EXOC7: variants seen among roughly 807,000 people sequenced by gnomAD.
EXOC7 encodes the protein exocyst complex component 7.
A neutral mutation model predicts 87.6 loss-of-function variants in EXOC7; 51 were observed. That is an observed-to-expected ratio of 0.58 (90% CI 0.46 to 0.73). The LOEUF (loss-of-function observed/expected upper bound fraction) is 0.73. Ranked by LOEUF, EXOC7 falls within the 30% of genes least tolerant of loss-of-function variation. The pLI, the probability that EXOC7 is intolerant of heterozygous loss-of-function variation, is 0.00. For missense variants in EXOC7, 744 were observed against 888.4 expected, an observed-to-expected ratio of 0.84 and a Z score of 2.07; for synonymous variants, 327 against 357.1, an observed-to-expected ratio of 0.92 and a Z score of 0.95.
chr17:76,087,984 G>A (rs2067289790), intron 11 of EXOC7, 76 bp downstream of exon 11: 1 of 1,546,460 alleles, frequency 6.5e-7, no homozygotes, highest in Admixed American at 1.7e-5. Context: ...CCTTCCACCA[G>A]TACTCTGCCT....
chr17:76,081,165 C>T lies in EXOC7; in HGVS notation c.*2483G>A, dbSNP rs993665944. On this transcript the variant is annotated 3_prime_UTR_variant, in exon 19 of 19. Transcript: ENST00000589210. ...ATCGGTTTTGTGTCCAAGTCTGTCC[C>T]TGCCAAAAGCCATCAAAAGTCTCCA... is the stretch of plus-strand genomic sequence containing the variant. The T allele has an allele frequency of 6.8e-7, 1 of 1,475,066 alleles. No individual in the cohort carries two copies. The highest frequency in any genetic ancestry group is 9.2e-7 in the Non-Finnish European group (1 of 1,086,924). The allele number at this position is 1,475,066 out of a possible 1,614,324, so 91.4% of individuals were successfully genotyped here. A position where few individuals can be genotyped will look rare whatever the true frequency, so the allele number is the denominator to read the frequency against.
Position 76,103,342 on chromosome 17 carries a change from C to G in EXOC7, c.126+19G>C. On this transcript the variant is annotated intron_variant, in intron 2 of 18. Coordinates refer to ENST00000589210, the MANE Select transcript of EXOC7 (RefSeq NM_001013839.4). The stretch of plus-strand genomic sequence containing the variant: ...GGGTCCGGAGGCCTGCCCTCTCCCC[C>G]AGCTGCGGGGAGACTCACCATGTTC... 1.3e-6 allele frequency: 2 copies of G among 1,578,696 alleles called. No individual in the cohort carries two copies. The highest frequency in any genetic ancestry group is 1.2e-5 in the South Asian group (1 of 86,546).
Position 76,084,597 on chromosome 17 carries a change from G to A in EXOC7, c.1713-17C>T. The A allele has an allele frequency of 6.2e-7, 1 of 1,611,232 alleles. No homozygotes were observed. Among genetic ancestry groups the A allele is most frequent in the African/African-American group, 1.3e-5 (1 of 75,014 alleles). On this transcript the variant is annotated splice_polypyrimidine_tract_variant and intron_variant, in intron 15 of 18. Coordinates refer to ENST00000589210, the MANE Select transcript of EXOC7 (RefSeq NM_001013839.4). ...TTTAACCAGCTGCCAGACAGAAAGA[G>A]AAGCATGAGGGCAGAGGGTGGCCTG...
In EXOC7 at chr17:76,082,295, G is replaced by A. The variant is rs1487219664; in HGVS notation, c.*1353C>T. 2.5e-6 allele frequency: 2 copies of A among 795,482 alleles called. No homozygotes were observed. Among genetic ancestry groups the A allele is most frequent in the Non-Finnish European group, 3.9e-6 (2 of 516,040 alleles). 49.3% of individuals were successfully genotyped at this position (795,482 alleles called of 1,614,324 possible). On this transcript the variant is annotated 3_prime_UTR_variant, in exon 19 of 19. Transcript: ENST00000589210. ...ACCCATGCCTTGCACAGCCTAAGAG[G>A]GTGTTTCTTCAACTGAAGATGGCCT...
In EXOC7 at chr17:76,086,843, G is replaced by A. The variant is rs374432061; in HGVS notation, c.1430-698C>T. On this transcript the variant is annotated intron_variant, in intron 12 of 18. Coordinates refer to ENST00000589210, the MANE Select transcript of EXOC7 (RefSeq NM_001013839.4). ...AGGGACAGGAGGGGGCTGCAGAACC[G>A]CACTGCTTACCTCGGGGGTCTAAAG... 313 of 1,550,724 alleles carry A rather than the reference G, an allele frequency of 2.0e-4. No individual in the cohort carries two copies. In the African/African-American group the frequency reaches 3.2e-3, roughly 16 times the overall value.
At position 76,081,261 on chromosome 17, in the gene EXOC7, T is replaced by A; in HGVS notation, c.*2387A>T. ...ATCTCTCCTTCCTGGTTCATAGTTC[T>A]CATTCCCACCCCTCAGCGATGGAGT... On this transcript the variant is annotated 3_prime_UTR_variant, in exon 19 of 19. Transcript: ENST00000589210. 6.2e-7 allele frequency: 1 copy of A among 1,613,070 alleles called. No homozygotes were observed. Among genetic ancestry groups the A allele is most frequent in the Non-Finnish European group, 8.5e-7 (1 of 1,179,816 alleles).
rs751336640 is a variant in EXOC7, at chr17:76,084,266, A to C, written c.1800T>G (p.Ile600Met). 6.8e-6 allele frequency: 11 copies of C among 1,613,482 alleles called. No individual in the cohort carries two copies. Among genetic ancestry groups the C allele is most frequent in the Non-Finnish European group, 8.5e-6 (10 of 1,179,980 alleles). ...GACTCACCTTAAAACGCTCCTTGATAATCTGCCGCTCCTTGTCCCGGAGCT... is the reference window on the plus strand; with the variant it reads ...GACTCACCTTAAAACGCTCCTTGATCATCTGCCGCTCCTTGTCCCGGAGCT... ...GVKLRDKERQ[I>M]IKERFKGFND... The change falls in exon 17 of 19, where the codon ATT becomes ATG. Residue 600 changes from isoleucine (I) to methionine (M), a missense_variant. This residue lies in a region of EXOC7 where 228 missense variants were observed against 298.6 expected (regional missense o/e 0.76). Transcript: ENST00000589210.
In EXOC7 at chr17:76,100,997, ACAAC is replaced by A. The variant is rs566386375; in HGVS notation, c.417+270_417+273del. 2.3e-3 allele frequency: 1,009 copies of A among 433,918 alleles called. 19 individuals carry two copies. The African/African-American group carries it at 0.024, about 11-fold the overall frequency. The allele number at this position is 433,918 out of a possible 1,614,324, so 26.9% of individuals were successfully genotyped here. A position where few individuals can be genotyped will look rare whatever the true frequency, so the allele number is the denominator to read the frequency against. ...TCAGGAAAAAACAACAACAACAACAACAACAACAACAAATCAAATGTTAAGTTTA... is the reference window on the plus strand; with the variant it reads ...TCAGGAAAAAACAACAACAACAACAAAACAACAAATCAAATGTTAAGTTTA... On this transcript the variant is annotated intron_variant, in intron 4 of 18. Transcript: ENST00000589210.
chr17:76,098,603 T>C (rs1018777346), intron 4 of EXOC7, among the ~76,000 whole-genome samples: 1 of 151,682 alleles, frequency 6.6e-6, no homozygotes, highest in Non-Finnish European at 1.5e-5. Flanking sequence ...GGCTCACGCC[T>C]GTAATCCCAG....
chr17:76,103,578 C>T (rs770533755), intron 1 of EXOC7, 55 bp downstream of exon 1: 10 of 1,605,914 alleles, frequency 6.2e-6, no homozygotes, highest in Non-Finnish European at 8.5e-6. Context: ...AATCAGGCCC[C>T]GCTGTTGGCC....
In EXOC7 at chr17:76,081,512, C is replaced by A. The variant is rs143922990; in HGVS notation, c.*2136G>T. 6.8e-6 allele frequency: 11 copies of A among 1,611,166 alleles called. No individual in the cohort carries two copies. The highest frequency in any genetic ancestry group is 9.3e-6 in the Non-Finnish European group (11 of 1,179,046). On this transcript the variant is annotated 3_prime_UTR_variant, in exon 19 of 19. Transcript: ENST00000589210. ...CCCCCGATGCCCACCTCCTTCCCCC[C>A]CGCCGGGAAGGCCCTGACTTTTCCC...
In EXOC7 at chr17:76,094,409, C is replaced by T; in HGVS notation, c.808+5G>A. 1 of 1,610,994 alleles carries T rather than the reference C, an allele frequency of 6.2e-7. No individual in the cohort carries two copies. The highest frequency in any genetic ancestry group is 1.3e-5 in the African/African-American group (1 of 75,006). On this transcript the variant is annotated splice_donor_5th_base_variant and intron_variant, in intron 6 of 18. Transcript: ENST00000589210. ...TTGCAGAGATGGGCCAGGATGGGGGCTCACCTGGCCGCTTGACTGGCTTCT... is the reference window on the plus strand; with the variant it reads ...TTGCAGAGATGGGCCAGGATGGGGGTTCACCTGGCCGCTTGACTGGCTTCT...
At chr17:76,090,742 A>G (rs1445834891) in intron 7 of EXOC7, 1 of 555,772 alleles carries the variant, frequency 1.8e-6, no homozygotes, top group Non-Finnish European at 3.2e-6. Flanking sequence ...GGAAAGCCCC[A>G]GTTTGCCTGT....
rs760591933 is a variant in EXOC7 at position 76,081,333 on chromosome 17, G to A, written c.*2315C>T. ...TGAACGAGATTGTGAGTGTCAAGAG[G>A]GAATACGTAGTTTATGATCTGAAGA... is the stretch of plus-strand genomic sequence containing the variant. On this transcript the variant is annotated 3_prime_UTR_variant, in exon 19 of 19. Coordinates refer to ENST00000589210, the MANE Select transcript of EXOC7 (RefSeq NM_001013839.4). 9 of 1,614,038 alleles carry A rather than the reference G, an allele frequency of 5.6e-6. No individual in the cohort carries two copies. The highest frequency in any genetic ancestry group is 2.2e-5 in the East Asian group (1 of 44,898).
chr17:76,087,997 CCCTGGGCCTGGG>C (rs781472339), intron 11 of EXOC7, 51 bp downstream of exon 11: 160 of 1,585,626 alleles, frequency 1.0e-4, no homozygotes, highest in East Asian at 1.8e-4. Context: ...CTCTGCCTGG[CCCTGGGCCTGGG>C]CCTGGGCCCT....
chr17:76,101,629 G>T, intron 3 of EXOC7, 50 bp downstream of exon 3: 1 of 1,556,006 alleles, frequency 6.4e-7, no homozygotes, highest in Non-Finnish European at 8.7e-7. Flanking sequence ...CAACCCTCCT[G>T]TTGGCCCAGG....
chr17:76,095,826 C>G (rs577551001), intron 5 of EXOC7, among the ~76,000 whole-genome samples: 2 of 152,162 alleles, frequency 1.3e-5, no homozygotes, highest in Non-Finnish European at 2.9e-5. Context: ...AAGCAATTCA[C>G]AAAGGTATGT....
In EXOC7 at chr17:76,094,436, G is replaced by T. The variant is rs1223822292; in HGVS notation, c.786C>A (p.Thr262=). 1 of 1,613,640 alleles carries T rather than the reference G, an allele frequency of 6.2e-7. No individual in the cohort carries two copies. Among genetic ancestry groups the T allele is most frequent in the East Asian group, 2.2e-5 (1 of 44,894 alleles). ...AIPNKRKDTP[T]KKPVKRPGTI... Reference sequence around the variant, plus strand: ...CACCTGGCCGCTTGACTGGCTTCTTGGTAGGTGTGTCTTTCCTCTTGTTGG... The same window carrying T: ...CACCTGGCCGCTTGACTGGCTTCTTTGTAGGTGTGTCTTTCCTCTTGTTGG... The change falls in exon 6 of 19, where the codon ACC becomes ACA. Residue 262 remains threonine, a synonymous_variant. Transcript: ENST00000589210.
intron 13 of EXOC7, 118 bp from the exon 14 acceptor site, chr17:76,085,915 G>A (rs2067192446): frequency 2.0e-6 from 3 of 1,525,780 alleles, no homozygotes. Flanking sequence ...GGAGGCCTTA[G>A]CCCAACTCCC....
Sources: gnomAD v4.1 joint callset for allele counts (sites outside exome capture counted in the v4.1 genomes callset) on GRCh38, gnomAD v4.1.1 for gene constraint, gnomAD v4.1.1 regional missense constraint, MANE v1.5 for transcripts, NCBI Gene and HGNC (gene_info 2026-07-23, HGNC 2026-07-21) for gene names.